The following NSRP1 variants were observed in gnomAD, a reference collection of about 807,000 sequenced individuals.
NSRP1 encodes coiled-coil domain containing 55.
A neutral mutation model predicts 54.7 loss-of-function variants in NSRP1; 24 were observed. The observed-to-expected ratio is 0.44, with a 90% confidence interval of 0.32 to 0.62. NSRP1 has a LOEUF of 0.62. NSRP1 is among the 20% of genes least tolerant of loss of function. NSRP1 has a pLI of 0.06. For missense variants in NSRP1, 596 were observed against 651.2 expected, an observed-to-expected ratio of 0.92 and a Z score of 0.92; for synonymous variants, 210 against 213.8, an observed-to-expected ratio of 0.98 and a Z score of 0.15.
At chr17:30,152,225 C>T (rs556007739) in intron 2 of NSRP1, among the ~76,000 whole-genome samples, 1 of 151,766 alleles carries the variant, frequency 6.6e-6, no homozygotes, top group African/African-American at 2.4e-5. Context: ...CGGGTTCAAG[C>T]GATTCTCCTG....
At chr17:30,117,627 A>G (rs913331658) in intron 1 of NSRP1, 3 of 338,782 alleles carry the variant, frequency 8.9e-6, no homozygotes, top group African/African-American at 6.3e-5. Context: ...CTATCCAGTC[A>G]GTTCTTAGAA....
At chr17:30,173,463 T>C (rs544180894) in intron 3 of NSRP1, among the ~76,000 whole-genome samples, 154 of 152,286 alleles carry the variant, frequency 1.0e-3, no homozygotes, top group African/African-American at 3.6e-3. Flanking sequence ...GACTAGTATA[T>C]CTTAGATTTT....
At chr17:30,135,862 A>G (rs949374902) in intron 2 of NSRP1, among the ~76,000 whole-genome samples, 9 of 152,162 alleles carry the variant, frequency 5.9e-5, no homozygotes, top group African/African-American at 1.9e-4. Flanking sequence ...ACATGCATAT[A>G]GATGAAAAAC....
intron 2 of NSRP1, among the ~76,000 whole-genome samples, chr17:30,139,518 AATCC>A (rs2071783520): frequency 6.6e-6 from 1 of 152,084 alleles, no homozygotes; most frequent in African/African-American, 2.4e-5. Flanking sequence ...TTAGGTCTTT[AATCC>A]ATTTTGACAC....
chr17:30,173,195 C>T (rs116154411), intron 3 of NSRP1, among the ~76,000 whole-genome samples: 2,964 of 152,236 alleles, frequency 0.019, 76 homozygotes, highest in African/African-American at 0.064. Context: ...AACCCGTGAC[C>T]TCAGGTGATC....
intron 2 of NSRP1, among the ~76,000 whole-genome samples, chr17:30,118,750 T>TC (rs201667393): frequency 0.025 from 3,426 of 139,238 alleles, 127 homozygotes; most frequent in African/African-American, 0.086. Context: ...TTCTTTTCTC[T>TC]TTTTTTTTTT....
At chr17:30,132,099 T>A (rs967395618) in intron 2 of NSRP1, among the ~76,000 whole-genome samples, 7 of 150,288 alleles carry the variant, frequency 4.7e-5, no homozygotes, top group Admixed American at 3.3e-4. Flanking sequence ...ATACAAAAAA[T>A]TAGCCGGGCA....
At chr17:30,122,509 A>G (rs1597592069) in intron 2 of NSRP1, 1 of 141,434 alleles carries the variant, frequency 7.1e-6, no homozygotes. Context: ...GTTTCAAGCA[A>G]TTCTCCCGCC....
intron 1 of NSRP1, 37 bp downstream of exon 1, chr17:30,116,900 G>C: frequency 6.4e-7 from 1 of 1,561,702 alleles, no homozygotes; most frequent in Non-Finnish European, 8.7e-7. Flanking sequence ...GCTGGGGGAT[G>C]AGAAACTACG....
intron 2 of NSRP1, among the ~76,000 whole-genome samples, chr17:30,159,518 G>A (rs984951807): frequency 1.3e-5 from 2 of 152,124 alleles, no homozygotes; most frequent in Admixed American, 6.5e-5. Flanking sequence ...GAATAAGAGT[G>A]GTGAAAGTGG....
At chr17:30,123,318 A>C (rs572782632) in intron 2 of NSRP1, among the ~76,000 whole-genome samples, 1 of 151,982 alleles carries the variant, frequency 6.6e-6, no homozygotes, top group Non-Finnish European at 1.5e-5. Context: ...GGGTTTCACT[A>C]TGTTGGCCAG....
At chr17:30,177,874 G>C in intron 3 of NSRP1, 197 bp from the exon 4 acceptor site, 1 of 647,352 alleles carries the variant, frequency 1.5e-6, no homozygotes, top group Middle Eastern at 4.0e-4. Context: ...AACTTGCCCG[G>C]AGTAATTAGT....
In NSRP1 at chr17:30,171,976, CCTCTCTCTCTCT is replaced by C. The variant is rs58666089; in HGVS notation, c.115-538_115-527del. Among the ~76,000 whole-genome samples, 32 of 80,438 alleles carry C rather than the reference CCTCTCTCTCTCT, an allele frequency of 4.0e-4. 2 individuals carry two copies. The highest frequency in any genetic ancestry group is 5.0e-4 in the Non-Finnish European group (20 of 39,872). 52.8% of individuals were successfully genotyped at this position (80,438 alleles called of 152,430 possible). A position where few individuals can be genotyped will look rare whatever the true frequency, so the allele number is the denominator to read the frequency against. On this transcript the variant is annotated intron_variant, in intron 2 of 6. Transcript: ENST00000247026. ...CACACACACACACACACACACACTC[CCTCTCTCTCTCT>C]CTCTCTCTCTCTCTCTCTCTCTCTC...
Position 30,185,007 on chromosome 17 carries a change from A to G in NSRP1, c.1010A>G (p.Tyr337Cys), listed in dbSNP as rs1275636693. 9.3e-6 allele frequency: 15 copies of G among 1,614,060 alleles called. No individual in the cohort carries two copies. The highest frequency in any genetic ancestry group is 1.2e-5 in the Non-Finnish European group (14 of 1,180,038). Residue 337 changes from tyrosine to cysteine, a missense_variant, in exon 7 of 7, where the codon TAC (tyrosine) becomes TGC (cysteine). Transcript: ENST00000247026. ...DQENHYTDRD[Y>C]RKERDSHRHR... ...GAGAACCATTACACTGACCGTGATTACCGGAAAGAAAGGGATTCTCATAGG... is the reference window on the plus strand; with the variant it reads ...GAGAACCATTACACTGACCGTGATTGCCGGAAAGAAAGGGATTCTCATAGG...
At chr17:30,165,281 A>T (rs907696770) in intron 2 of NSRP1, among the ~76,000 whole-genome samples, 2 of 152,150 alleles carry the variant, frequency 1.3e-5, no homozygotes, top group African/African-American at 2.4e-5. Context: ...GCTCTGTGTT[A>T]TAAAATGGCA....
At chr17:30,172,625 A>C in intron 3 of NSRP1, 27 bp downstream of exon 3, 2 of 1,581,810 alleles carry the variant, frequency 1.3e-6, no homozygotes, top group South Asian at 1.1e-5. Flanking sequence ...GGATAAGTGC[A>C]TTCAGTGAAG....
At chr17:30,172,929 A>G (rs1371903990) in intron 3 of NSRP1, among the ~76,000 whole-genome samples, 1 of 151,940 alleles carries the variant, frequency 6.6e-6, no homozygotes, top group African/African-American at 2.4e-5. Flanking sequence ...GAAGAATATC[A>G]GAGATAGATA....
At chr17:30,139,209 A>G (rs1383146894) in intron 2 of NSRP1, among the ~76,000 whole-genome samples, 7 of 151,620 alleles carry the variant, frequency 4.6e-5, no homozygotes, top group Admixed American at 4.6e-4. Flanking sequence ...GAGCCACCGC[A>G]CCCAGCTATC....
intron 2 of NSRP1, among the ~76,000 whole-genome samples, chr17:30,170,682 T>C (rs1197976953): frequency 6.6e-6 from 1 of 152,158 alleles, no homozygotes; most frequent in African/African-American, 2.4e-5. Flanking sequence ...CATTCATTTG[T>C]CAATGAACAG....
Sources: allele counts gnomAD v4.1 joint callset (sites outside exome capture counted in the v4.1 genomes callset), GRCh38; gene constraint gnomAD v4.1.1; transcripts MANE v1.5; gene names NCBI Gene and HGNC (gene_info 2026-07-23, HGNC 2026-07-21).